TRAPPC10: variants seen among roughly 807,000 people sequenced by gnomAD.
The protein encoded by TRAPPC10 is TRAPP 130 kDa subunit.
In TRAPPC10, 23 loss-of-function variants were observed where a neutral mutation model predicts 125.5. That is an observed-to-expected ratio of 0.18 (90% confidence interval 0.13 to 0.26). The LOEUF is 0.26. TRAPPC10 is among the 10% of genes least tolerant of loss of function. The pLI is 1.00. For missense variants in TRAPPC10, 1,123 were observed against 1,308.4 expected, an observed-to-expected ratio of 0.86 and a Z score of 2.19; for synonymous variants, 509 against 518.0, an observed-to-expected ratio of 0.98 and a Z score of 0.24.
chr21:44,060,593 A>AAC (rs1569180801), intron 6 of TRAPPC10, among the ~76,000 whole-genome samples: 1 of 150,562 alleles, frequency 6.6e-6, no homozygotes, highest in Non-Finnish European at 1.5e-5. Flanking sequence ...TCCATATTAT[A>AAC]CAAACATATC....
chr21:44,065,766 A>G (rs1385013280), intron 7 of TRAPPC10, among the ~76,000 whole-genome samples: 1 of 152,184 alleles, frequency 6.6e-6, no homozygotes, highest in Non-Finnish European at 1.5e-5. Context: ...CACACTTTGC[A>G]CCTGTGTTTG....
At chr21:44,080,628 C>T (rs2037631396) in intron 13 of TRAPPC10, among the ~76,000 whole-genome samples, 1 of 151,908 alleles carries the variant, frequency 6.6e-6, no homozygotes, top group African/African-American at 2.4e-5. Context: ...ACCTCCGTCT[C>T]CCGGGTTCAA....
Position 44,076,596 on chromosome 21 carries a change from T to C in TRAPPC10, c.1345T>C (p.Ser449Pro). 1.2e-6 allele frequency: 2 copies of C among 1,614,170 alleles called. No individual in the cohort carries two copies. The highest frequency in any genetic ancestry group is 1.7e-6 in the Non-Finnish European group (2 of 1,180,002). ...SPYKKLKEAL[S>P]SVEAFEKHYL... Reference sequence around the variant, plus strand: ...TTATAAGAAACTGAAAGAAGCATTATCGTCAGTGGAAGCTTTTGAAAAACA... The same window carrying C: ...TTATAAGAAACTGAAAGAAGCATTACCGTCAGTGGAAGCTTTTGAAAAACA... Residue 449 changes from serine (S) to proline (P), a missense_variant, in exon 10 of 23, where the codon TCG becomes CCG. Physicochemically the swap from Ser to Pro is moderately conservative, Grantham distance 74. Transcript: ENST00000291574.
At chr21:44,055,344 C>A (rs1012930879) in intron 4 of TRAPPC10, among the ~76,000 whole-genome samples, 1 of 152,122 alleles carries the variant, frequency 6.6e-6, no homozygotes, top group Non-Finnish European at 1.5e-5. Flanking sequence ...AATCCCAGCA[C>A]TTTGAGAGGC....
chr21:44,033,882 C>T (rs1307858831), intron 2 of TRAPPC10, among the ~76,000 whole-genome samples: 1 of 151,948 alleles, frequency 6.6e-6, no homozygotes, highest in African/African-American at 2.4e-5. Flanking sequence ...TAAAAAGAAA[C>T]TGTGTAGATT....
chr21:44,028,444 C>G (rs1052428427), intron 1 of TRAPPC10, among the ~76,000 whole-genome samples: 1 of 152,180 alleles, frequency 6.6e-6, no homozygotes, highest in Non-Finnish European at 1.5e-5. Context: ...CTCTACATGT[C>G]TCTTCCCATC....
intron 1 of TRAPPC10, among the ~76,000 whole-genome samples, chr21:44,024,795 T>G (rs1054182678): frequency 1.3e-5 from 2 of 152,228 alleles, no homozygotes; most frequent in Non-Finnish European, 2.9e-5. Context: ...GAGGTCTATT[T>G]AAAGAAGCCT....
At position 44,087,062 on chromosome 21, in the gene TRAPPC10, C is replaced by G; in HGVS notation, c.2539+102C>G. 1.5e-6 allele frequency: 2 copies of G among 1,364,234 alleles called. No homozygotes were observed. The highest frequency in any genetic ancestry group is 2.0e-6 in the Non-Finnish European group (2 of 992,780). 84.5% of individuals were successfully genotyped at this position (1,364,234 alleles called of 1,614,324 possible). A position where few individuals can be genotyped will look rare whatever the true frequency, so the allele number is the denominator to read the frequency against. On this transcript the variant is annotated intron_variant, in intron 16 of 22. Transcript: ENST00000291574. This position sits in a 1 kb window ranked among gnomAD's most constrained non-coding sequence, Gnocchi z 4.6. ...CCTTGCTGCCATCCTGCTGAGCGCC[C>G]CTCAACAGTGTCTGGAGTCCGTGTT...
chr21:44,057,053 C>T (rs1395717915), intron 5 of TRAPPC10, among the ~76,000 whole-genome samples: 2 of 151,986 alleles, frequency 1.3e-5, no homozygotes, highest in Non-Finnish European at 2.9e-5. Context: ...GCCTAGAGGA[C>T]ATGATGCCGA....
intron 13 of TRAPPC10, among the ~76,000 whole-genome samples, chr21:44,080,994 ATAT>A (rs1318218198): frequency 1.4e-5 from 2 of 146,668 alleles, no homozygotes; most frequent in East Asian, 4.0e-4. Context: ...ACCACAGTCA[ATAT>A]TATTGTTCTT....
intron 1 of TRAPPC10, among the ~76,000 whole-genome samples, chr21:44,021,791 C>T (rs1258732549): frequency 6.6e-6 from 1 of 152,086 alleles, no homozygotes; most frequent in African/African-American, 2.4e-5. Context: ...AGTGAGAGGA[C>T]ACCTCCCCCT....
intron 1 of TRAPPC10, among the ~76,000 whole-genome samples, chr21:44,022,359 C>T (rs1355380760): frequency 2.7e-5 from 4 of 148,556 alleles, no homozygotes; most frequent in African/African-American, 9.9e-5. Context: ...TCTTGGCTCA[C>T]TGCAACCTCC....
intron 2 of TRAPPC10, among the ~76,000 whole-genome samples, chr21:44,033,012 A>G (rs2033711263): frequency 1.3e-5 from 2 of 152,258 alleles, no homozygotes; most frequent in Admixed American, 6.5e-5. Flanking sequence ...GCATGTTTAC[A>G]GTTAGTCGTC....
chr21:44,020,349 A>T (rs1282834593), intron 1 of TRAPPC10, among the ~76,000 whole-genome samples: 1 of 151,970 alleles, frequency 6.6e-6, no homozygotes, highest in East Asian at 1.9e-4. Flanking sequence ...GATGGTCTCG[A>T]TCTCCTGACC....
rs1569179173 is a variant in TRAPPC10 at position 44,059,314 on chromosome 21, A to C, written c.790+100A>C. 12 of 803,274 alleles carry C rather than the reference A, an allele frequency of 1.5e-5. No individual in the cohort carries two copies. Among genetic ancestry groups the C allele is most frequent in the Non-Finnish European group, 2.4e-5 (12 of 491,618 alleles). 49.8% of individuals were successfully genotyped at this position (803,274 alleles called of 1,614,324 possible). On this transcript the variant is annotated intron_variant, in intron 6 of 22. Coordinates refer to ENST00000291574, the MANE Select transcript of TRAPPC10 (RefSeq NM_003274.5). This position sits in a 1 kb window ranked among gnomAD's most constrained non-coding sequence, Gnocchi z 4.4. ...CCATTTATTTACCTCAGGAGTACGC[A>C]TGTTTTGTTGTTGTCTTTATACACA... is the stretch of plus-strand genomic sequence containing the variant.
rs567741897 is a variant in TRAPPC10, at chr21:44,057,228, A to G, written c.678+1335A>G. Among the ~76,000 whole-genome samples the G allele has an allele frequency of 3.9e-5, 6 of 152,132 alleles. No individual in the cohort carries two copies. In the East Asian group the frequency reaches 1.2e-3, roughly 29 times the overall value. On this transcript the variant is annotated intron_variant, in intron 5 of 22. Coordinates refer to ENST00000291574, the MANE Select transcript of TRAPPC10 (RefSeq NM_003274.5). ...CAGAGGTTCCGTTTGGGAAGATGAG[A>G]AAGTTTGGGATATTGGTTGCACAAT...
intron 11 of TRAPPC10, chr21:44,079,346 C>A: frequency 2.0e-6 from 1 of 509,726 alleles, no homozygotes; most frequent in Middle Eastern, 5.0e-4. Context: ...TATCACCACA[C>A]GCTCATTTCT....
chr21:44,075,212 T>C, intron 9 of TRAPPC10, 59 bp downstream of exon 9: 2 of 1,296,340 alleles, frequency 1.5e-6, no homozygotes, highest in South Asian at 1.2e-5. Flanking sequence ...AAATGTCCTT[T>C]GCAAGTTGGC....
At chr21:44,060,593 A>G (rs2035961475) in intron 6 of TRAPPC10, among the ~76,000 whole-genome samples, 1 of 150,562 alleles carries the variant, frequency 6.6e-6, no homozygotes, top group South Asian at 2.1e-4. Flanking sequence ...TCCATATTAT[A>G]CAAACATATC....
Sources: allele counts gnomAD v4.1 joint callset (sites outside exome capture counted in the v4.1 genomes callset), GRCh38; gene constraint gnomAD v4.1.1; non-coding constraint Gnocchi (gnomAD v3.1); transcripts MANE v1.5; gene names NCBI Gene and HGNC (gene_info 2026-07-23, HGNC 2026-07-21).